SPECC1: variants seen among roughly 807,000 people sequenced by gnomAD.
SPECC1 encodes sperm antigen with calponin homology and coiled-coil domains 1.
A neutral mutation model predicts 104.1 loss-of-function variants in SPECC1; 62 were observed. That is an observed-to-expected ratio of 0.60 (90% CI 0.49 to 0.74). SPECC1 has a LOEUF of 0.74. Among genes scored for constraint, SPECC1 ranks in the 30% least tolerant of loss-of-function variants. The pLI, the probability that SPECC1 is intolerant of heterozygous loss-of-function variation, is 0.00. For missense variants in SPECC1, 1,306 were observed against 1,310.5 expected (o/e 1.00, Z 0.05); for synonymous variants, 513 against 501.6 (o/e 1.02, Z -0.30).
intron 1 of SPECC1, among the ~76,000 whole-genome samples, chr17:20,038,391 A>G (rs938017405): frequency 4.1e-5 from 6 of 145,296 alleles, no homozygotes; most frequent in African/African-American, 7.7e-5. Context: ...ATGTCCCACA[A>G]ATTTTGATAT....
At chr17:20,112,600 T>C in intron 3 of SPECC1, 1 of 863,600 alleles carries the variant, frequency 1.2e-6, no homozygotes. Flanking sequence ...GTGCAAATCT[T>C]AAACAAGCTG....
chr17:20,195,740 G>A (rs1056022194), intron 3 of SPECC1, among the ~76,000 whole-genome samples: 32 of 151,984 alleles, frequency 2.1e-4, no homozygotes, highest in African/African-American at 7.3e-4. Flanking sequence ...AGTATTTTTA[G>A]TAGAGATAGA....
At chr17:20,133,385 AT>A (rs910932173) in intron 3 of SPECC1, among the ~76,000 whole-genome samples, 2 of 151,682 alleles carry the variant, frequency 1.3e-5, no homozygotes, top group Middle Eastern at 3.4e-3. Context: ...GTAAAATGTG[AT>A]TTTTTTCCCC....
At chr17:20,310,265 G>T (rs574437015) in intron 14 of SPECC1, among the ~76,000 whole-genome samples, 144 of 152,248 alleles carry the variant, frequency 9.5e-4, no homozygotes, top group African/African-American at 3.5e-3. Context: ...TAATGATATT[G>T]CTGAGTCAAA....
At chr17:20,097,241 C>G (rs1432781517) in intron 2 of SPECC1, among the ~76,000 whole-genome samples, 3 of 152,206 alleles carry the variant, frequency 2.0e-5, no homozygotes, top group East Asian at 1.9e-4. Flanking sequence ...TCTCCTCCCC[C>G]CATCCCTTTG....
intron 12 of SPECC1, among the ~76,000 whole-genome samples, chr17:20,261,352 A>G (rs2040015892): frequency 6.6e-6 from 1 of 151,968 alleles, no homozygotes; most frequent in Non-Finnish European, 1.5e-5. Flanking sequence ...AATACAAAAA[A>G]TTAGCCGGGC....
chr17:20,117,899 G>A (rs1200512723), intron 3 of SPECC1, among the ~76,000 whole-genome samples: 1 of 151,870 alleles, frequency 6.6e-6, no homozygotes, highest in Non-Finnish European at 1.5e-5. Context: ...GAGCCCAGGA[G>A]TTCGAGACCA....
At chr17:20,048,695 T>C (rs956385854) in intron 1 of SPECC1, among the ~76,000 whole-genome samples, 1 of 151,580 alleles carries the variant, frequency 6.6e-6, no homozygotes, top group African/African-American at 2.4e-5. Flanking sequence ...TGCTTGAGCC[T>C]AGGAGTTTGA....
At chr17:20,249,570 G>A (rs979527253) in intron 9 of SPECC1, among the ~76,000 whole-genome samples, 2 of 152,116 alleles carry the variant, frequency 1.3e-5, no homozygotes, top group Non-Finnish European at 2.9e-5. Context: ...TGAGATTAAT[G>A]CTGTCAACAA....
chr17:20,155,933 A>T (rs1383025383), intron 3 of SPECC1: 1 of 1,221,062 alleles, frequency 8.2e-7, no homozygotes. Context: ...GGCGGTGTGC[A>T]GTTGAGGTGG....
intron 3 of SPECC1, among the ~76,000 whole-genome samples, chr17:20,117,774 G>T (rs935434862): frequency 8.7e-5 from 13 of 149,406 alleles, no homozygotes; most frequent in Non-Finnish European, 1.8e-4. Context: ...GAAAAATACA[G>T]ATGGCTAGTG....
intron 1 of SPECC1, among the ~76,000 whole-genome samples, chr17:20,091,157 G>C (rs779242314): frequency 6.6e-6 from 1 of 152,142 alleles, no homozygotes; most frequent in Non-Finnish European, 1.5e-5. Flanking sequence ...TTCTGATGCT[G>C]TATGGAAATC....
intron 1 of SPECC1, among the ~76,000 whole-genome samples, chr17:20,036,991 C>G (rs1382836334): frequency 6.6e-6 from 1 of 152,060 alleles, no homozygotes; most frequent in African/African-American, 2.4e-5. Context: ...CCCCTTTATT[C>G]TTATTTTTCT....
At chr17:20,173,028 C>A (rs1397682850) in intron 3 of SPECC1, among the ~76,000 whole-genome samples, 1 of 152,160 alleles carries the variant, frequency 6.6e-6, no homozygotes, top group Non-Finnish European at 1.5e-5. Context: ...CTATGAAATC[C>A]CTTCCAATTT....
intron 3 of SPECC1, among the ~76,000 whole-genome samples, chr17:20,120,687 C>T (rs1228512784): frequency 6.6e-6 from 1 of 152,044 alleles, no homozygotes; most frequent in Non-Finnish European, 1.5e-5. Flanking sequence ...ATGGTATTAT[C>T]TATATTTTAT....
At chr17:20,196,183 T>C (rs2036022926) in intron 3 of SPECC1, among the ~76,000 whole-genome samples, 1 of 152,260 alleles carries the variant, frequency 6.6e-6, no homozygotes, top group Non-Finnish European at 1.5e-5. Flanking sequence ...TATAATCTTT[T>C]ACCAAAAATA....
intron 4 of SPECC1, among the ~76,000 whole-genome samples, chr17:20,226,712 G>A (rs1270165776): frequency 1.3e-5 from 2 of 152,130 alleles, no homozygotes; most frequent in African/African-American, 4.8e-5. Context: ...TGAAGCGATT[G>A]TGCCGTGCCA....
At chr17:20,059,859 C>G (rs1466770383) in intron 1 of SPECC1, among the ~76,000 whole-genome samples, 2 of 152,124 alleles carry the variant, frequency 1.3e-5, no homozygotes, top group African/African-American at 4.8e-5. Flanking sequence ...AAGGGCCTGT[C>G]TCTAAAAACA....
At chr17:20,277,348 C>G (rs1450671788) in intron 12 of SPECC1, among the ~76,000 whole-genome samples, 1 of 152,158 alleles carries the variant, frequency 6.6e-6, no homozygotes, top group Non-Finnish European at 1.5e-5. Flanking sequence ...AGATGGCTTA[C>G]CAATTTGCTA....
Sources: gnomAD v4.1 joint callset for allele counts (sites outside exome capture counted in the v4.1 genomes callset) on GRCh38, gnomAD v4.1.1 for gene constraint, MANE v1.5 for transcripts, NCBI Gene and HGNC (gene_info 2026-07-23, HGNC 2026-07-21) for gene names.